NUP107: variants seen among roughly 807,000 people sequenced by gnomAD.
NUP107 encodes the protein nuclear pore complex protein Nup107.
Under a neutral mutation model 141.0 loss-of-function variants are expected in NUP107, and 101 were observed. The ratio of observed to expected loss-of-function variants is 0.72; its 90% CI spans 0.61 to 0.84. The LOEUF is 0.84. NUP107 is among the 40% of genes least tolerant of loss of function. The pLI is 0.00. For synonymous variants in NUP107, 319 were observed against 363.9 expected (o/e 0.88, Z 1.41); for missense variants, 941 against 1,102.7 (o/e 0.85, Z 2.08).
chr12:68,704,042 C>G (rs1876461785), intron 8 of NUP107, among the ~76,000 whole-genome samples: 2 of 152,164 alleles, frequency 1.3e-5, no homozygotes, highest in East Asian at 3.8e-4. Context: ...CTACTGCACT[C>G]TAGCCTGGGC....
At chr12:68,710,228 C>A in intron 10 of NUP107, 135 bp downstream of exon 10, 1 of 535,014 alleles carries the variant, frequency 1.9e-6, no homozygotes, top group Non-Finnish European at 3.3e-6. Flanking sequence ...GTGAGCAAAA[C>A]AAATAAAGGC....
chr12:68,741,289 T>C (rs1878309784), intron 26 of NUP107, among the ~76,000 whole-genome samples: 1 of 152,138 alleles, frequency 6.6e-6, no homozygotes, highest in Admixed American at 6.6e-5. Context: ...TCATTAATTG[T>C]ATTATTCAAA....
intron 10 of NUP107, among the ~76,000 whole-genome samples, chr12:68,710,983 G>A (rs1015552194): frequency 5.9e-5 from 9 of 151,936 alleles, no homozygotes; most frequent in Non-Finnish European, 1.3e-4. Flanking sequence ...GAGGCTCGGC[G>A]CTGTGGTTCA....
At chr12:68,742,017 A>G (rs1878340716) in intron 27 of NUP107, 37 bp downstream of exon 27, 1 of 1,462,218 alleles carries the variant, frequency 6.8e-7, no homozygotes. Context: ...AATTTTAATG[A>G]TTTGATATGC....
chr12:68,713,843 G>A (rs1314203528), intron 11 of NUP107, 35 bp downstream of exon 11: 1 of 1,534,816 alleles, frequency 6.5e-7, no homozygotes, highest in Non-Finnish European at 8.9e-7. Context: ...TGCCTTCAAA[G>A]TTAACTGATT....
At position 68,715,712 on chromosome 12, in the gene NUP107, C is replaced by CTA; in HGVS notation, c.1056_1057insAT (p.Leu353IlefsTer2). On this transcript the variant is annotated frameshift_variant, in exon 12 of 28. Transcript: ENST00000229179. LOFTEE classifies it high-confidence loss of function. ...GTTAGATTACTCAAATATCTCTTTA[C>CTA]TCTAATCCGTGCTGGAATGACAGAA... is the stretch of plus-strand genomic sequence containing the variant. 6.2e-7 allele frequency: 1 copy of CTA among 1,609,822 alleles called. No homozygotes were observed.
chr12:68,690,593 C>T (rs758042833), intron 3 of NUP107, 38 bp from the exon 4 acceptor site: 9 of 1,613,494 alleles, frequency 5.6e-6, no homozygotes, highest in Admixed American at 3.3e-5. Flanking sequence ...TGAATGCTCA[C>T]GCACTTTAGG....
At chr12:68,701,507 C>T (rs552604263) in intron 7 of NUP107, among the ~76,000 whole-genome samples, 15 of 152,006 alleles carry the variant, frequency 9.9e-5, no homozygotes, top group African/African-American at 2.9e-4. Context: ...CACAGTAGAA[C>T]GCTGTCTCTA....
intron 8 of NUP107, among the ~76,000 whole-genome samples, chr12:68,707,758 A>T (rs990765406): frequency 6.6e-6 from 1 of 152,098 alleles, no homozygotes; most frequent in Non-Finnish European, 1.5e-5. Flanking sequence ...GTTGTTCATT[A>T]TTTTTTTATC....
At position 68,706,460 on chromosome 12, in the gene NUP107, G is replaced by A. The variant is rs76048708; in HGVS notation, c.730-2778G>A. ...CGAGGAGATCGCCAACCACAACCAG[G>A]CTGAGGCTGAGAGCATGAGATCAAA... On this transcript the variant is annotated intron_variant, in intron 8 of 27. Transcript: ENST00000229179. The A allele has an allele frequency of 7.7e-3, 5,655 of 730,704 alleles. 38 individuals carry two copies. Among genetic ancestry groups the A allele is most frequent in the Non-Finnish European group, 0.011 (4,283 of 400,270 alleles). 45.3% of individuals were successfully genotyped at this position (730,704 alleles called of 1,614,324 possible).
At chr12:68,727,265 T>C in intron 19 of NUP107, 86 bp from the exon 20 acceptor site, 3 of 687,358 alleles carry the variant, frequency 4.4e-6, no homozygotes, top group Non-Finnish European at 7.6e-6. Flanking sequence ...AATTATTAAA[T>C]TATTTAATAA....
Position 68,735,268 on chromosome 12 carries a change from T to G in NUP107, c.2426T>G (p.Leu809Arg). The change falls in exon 26 of 28, where the codon CTA (leucine) becomes CGA (arginine). Residue 809 changes from leucine to arginine, a missense_variant. Transcript: ENST00000229179. The part of the protein sequence containing the change: ...FGIWKGHLDA[L>R]TADVKEKMYN... Reference sequence around the variant, plus strand: ...ATTTGGAAAGGGCATTTGGATGCCCTAACTGCTGATGTGAAGGAGAAAATG... The same window carrying G: ...ATTTGGAAAGGGCATTTGGATGCCCGAACTGCTGATGTGAAGGAGAAAATG... 8 of 1,614,060 alleles carry G rather than the reference T, an allele frequency of 5.0e-6. No homozygotes were observed. The highest frequency in any genetic ancestry group is 6.8e-6 in the Non-Finnish European group (8 of 1,179,932).
intron 26 of NUP107, among the ~76,000 whole-genome samples, chr12:68,737,399 T>C (rs978149871): frequency 8.6e-5 from 13 of 151,868 alleles, no homozygotes; most frequent in African/African-American, 2.9e-4. Flanking sequence ...ACCCCGTTTC[T>C]ACTAAAAATA....
intron 11 of NUP107, among the ~76,000 whole-genome samples, 168 bp from the exon 12 acceptor site, chr12:68,715,459 A>C (rs1220789781): frequency 6.6e-6 from 1 of 152,144 alleles, no homozygotes; most frequent in East Asian, 1.9e-4. Context: ...GCGCCACTGC[A>C]CTCCAGCCTG....
chr12:68,721,100 A>T lies in NUP107; in HGVS notation c.1252-18A>T. On this transcript the variant is annotated intron_variant, in intron 14 of 27. Transcript: ENST00000229179. ...GAAAAACAATATTTCAAATTTGTTTATATTCATTGTGTTTTAGGAGCTTTT... is the reference window on the plus strand; with the variant it reads ...GAAAAACAATATTTCAAATTTGTTTTTATTCATTGTGTTTTAGGAGCTTTT... 1 of 1,519,808 alleles carries T rather than the reference A, an allele frequency of 6.6e-7. No individual in the cohort carries two copies. Among genetic ancestry groups the T allele is most frequent in the Non-Finnish European group, 9.1e-7 (1 of 1,103,608 alleles). 94.1% of individuals were successfully genotyped at this position (1,519,808 alleles called of 1,614,324 possible). A position where few individuals can be genotyped will look rare whatever the true frequency, so the allele number is the denominator to read the frequency against.
chr12:68,690,635 C>G lies in NUP107; in HGVS notation c.192C>G (p.Thr64=), dbSNP rs771181114. Residue 64 remains threonine (T), a synonymous_variant, in exon 4 of 28, where the codon ACC becomes ACG. Coordinates refer to ENST00000229179, the MANE Select transcript of NUP107 (RefSeq NM_020401.4). ...CTACCAACCTTTTGTTTATAGTTAC[C>G]CCAACAAGCCGAAGCTTACTAAGGC... ...RTPSSFRQPF[T]PTSRSLLRQP... 4 of 1,614,014 alleles carry G rather than the reference C, an allele frequency of 2.5e-6. No individual in the cohort carries two copies. The highest frequency in any genetic ancestry group is 1.1e-5 in the South Asian group (1 of 91,074).
chr12:68,693,706 G>A (rs1284119699), intron 5 of NUP107, among the ~76,000 whole-genome samples: 1 of 152,154 alleles, frequency 6.6e-6, no homozygotes, highest in African/African-American at 2.4e-5. Context: ...ATCACTAGAA[G>A]GTTGAGAACC....
rs1878467997 is a variant in NUP107 at position 68,744,948 on chromosome 12, C to CT, written c.*2487dup. 6.6e-6 allele frequency: 1 copy of CT among 152,212 alleles called. No individual in the cohort carries two copies. Among genetic ancestry groups the CT allele is most frequent in the Non-Finnish European group, 1.5e-5 (1 of 68,050 alleles). The allele number at this position is 152,212 out of a possible 1,614,324, so 9.4% of individuals were successfully genotyped here. A position where few individuals can be genotyped will look rare whatever the true frequency, so the allele number is the denominator to read the frequency against. On this transcript the variant is annotated 3_prime_UTR_variant, in exon 28 of 28. Transcript: ENST00000229179. ...GTGTTGCCTATCACAGGTTCGCATA[C>CT]TAAGTTTTAAAAACTTTTCTTGGTG...
chr12:68,711,091 TA>T (rs1565693308), intron 10 of NUP107, among the ~76,000 whole-genome samples: 2 of 150,874 alleles, frequency 1.3e-5, no homozygotes, highest in Non-Finnish European at 2.9e-5. Flanking sequence ...CCATCTCTAC[TA>T]AAAATACAAA....
Sources: allele counts gnomAD v4.1 joint callset (sites outside exome capture counted in the v4.1 genomes callset), GRCh38; gene constraint gnomAD v4.1.1; transcripts MANE v1.5; gene names NCBI Gene and HGNC (gene_info 2026-07-23, HGNC 2026-07-21).